The following TNFSF4 variants were observed in gnomAD, a reference collection of about 807,000 sequenced individuals.
TNFSF4 encodes the protein TNF superfamily member 4.
TNFSF4 carries 4 observed loss-of-function variants against 7.3 expected under a neutral mutation model. The ratio of observed to expected loss-of-function variants is 0.55; its 90% confidence interval spans 0.27 to 1.25. TNFSF4 has a LOEUF of 1.25. Ranked by LOEUF, TNFSF4 falls within the 50% of genes most tolerant of loss-of-function variation. The pLI, the probability that TNFSF4 is intolerant of heterozygous loss-of-function variation, is 0.12. For missense variants in TNFSF4, 181 were observed against 208.8 expected (o/e 0.87, Z 0.82); for synonymous variants, 76 against 83.7 (o/e 0.91, Z 0.50).
At chr1:173,445,588 G>C in the TNFSF4 span, among the ~76,000 whole-genome samples, 1 of 152,140 alleles carries the variant, frequency 6.6e-6, no homozygotes, top group African/African-American at 2.4e-5. Context: ...GGTCCAGAGA[G>C]TACTGGAGTA....
the TNFSF4 span, among the ~76,000 whole-genome samples, chr1:173,415,339 G>A: frequency 0.91 from 138,709 of 152,318 alleles, 63,204 homozygotes; most frequent in South Asian, 0.96. Context: ...GGTGACACCT[G>A]AAAGTCCCAT....
At chr1:173,283,291 T>TC in the TNFSF4 span, among the ~76,000 whole-genome samples, 12 of 149,638 alleles carry the variant, frequency 8.0e-5, no homozygotes, top group South Asian at 2.1e-4. Context: ...CCCCATCCTT[T>TC]CCCCCCCCAA....
chr1:173,191,426 T>C (rs1371950875), intron 1 of TNFSF4, among the ~76,000 whole-genome samples: 1 of 152,198 alleles, frequency 6.6e-6, no homozygotes, highest in African/African-American at 2.4e-5. Flanking sequence ...ATGGTCCTTC[T>C]TCTTATTTGT....
At chr1:173,287,220 A>C in the TNFSF4 span, among the ~76,000 whole-genome samples, 2 of 152,200 alleles carry the variant, frequency 1.3e-5, no homozygotes, top group African/African-American at 4.8e-5. Context: ...TTGTAGTCCC[A>C]GCTACTTGGG....
At chr1:173,205,195 T>C in intron 1 of TNFSF4, 1 of 1,251,728 alleles carries the variant, frequency 8.0e-7, no homozygotes, top group Non-Finnish European at 1.1e-6. Context: ...AGAAATCTAT[T>C]TTCAGAGTAG....
the TNFSF4 span, among the ~76,000 whole-genome samples, chr1:173,237,933 T>C: frequency 2.6e-5 from 4 of 151,976 alleles, no homozygotes; most frequent in Non-Finnish European, 5.9e-5. Flanking sequence ...GAACCAAAAA[T>C]GAGCCAGAAT....
chr1:173,341,029 G>A, the TNFSF4 span, among the ~76,000 whole-genome samples: 1 of 152,106 alleles, frequency 6.6e-6, no homozygotes, highest in Admixed American at 6.6e-5. Flanking sequence ...GGTTTTATAA[G>A]GGGCTTTTCC....
At chr1:173,243,937 A>G in the TNFSF4 span, among the ~76,000 whole-genome samples, 1 of 152,350 alleles carries the variant, frequency 6.6e-6, no homozygotes, top group African/African-American at 2.4e-5. Context: ...GGAAATGTGT[A>G]TCTTGATACA....
the TNFSF4 span, among the ~76,000 whole-genome samples, chr1:173,290,296 G>T: frequency 6.6e-6 from 1 of 152,144 alleles, no homozygotes; most frequent in East Asian, 1.9e-4. Context: ...GCATAAAGTG[G>T]CAAGTTGGAT....
At chr1:173,298,228 A>G in the TNFSF4 span, among the ~76,000 whole-genome samples, 2 of 151,900 alleles carry the variant, frequency 1.3e-5, no homozygotes, top group African/African-American at 4.8e-5. Context: ...GACAGATCCT[A>G]TATTATAGCC....
the TNFSF4 span, among the ~76,000 whole-genome samples, chr1:173,231,420 A>G: frequency 2.6e-5 from 4 of 152,228 alleles, no homozygotes; most frequent in Admixed American, 6.5e-5. Flanking sequence ...AACTCTCAAT[A>G]AATTAGGTAT....
At chr1:173,252,170 A>T in the TNFSF4 span, among the ~76,000 whole-genome samples, 1 of 152,112 alleles carries the variant, frequency 6.6e-6, no homozygotes, top group Non-Finnish European at 1.5e-5. Context: ...CAAAATACTG[A>T]TTCTTCCACT....
At chr1:173,175,111 A>T in the TNFSF4 span, 1 of 152,210 alleles carries the variant, frequency 6.6e-6, no homozygotes, top group South Asian at 2.1e-4. Flanking sequence ...ATAATCTGTG[A>T]CCCGTGGTTG....
chr1:173,394,997 TAGATAGATA>T, the TNFSF4 span, among the ~76,000 whole-genome samples: 1 of 122,628 alleles, frequency 8.2e-6, no homozygotes, highest in Non-Finnish European at 1.7e-5. Flanking sequence ...CATAGATAGA[TAGATAGATA>T]GATAGATAGA....
chr1:173,227,080 T>G, the TNFSF4 span, among the ~76,000 whole-genome samples: 4 of 151,548 alleles, frequency 2.6e-5, no homozygotes, highest in Admixed American at 2.6e-4. Context: ...TCAAGAGGTG[T>G]TCAGGAAATG....
At chr1:173,395,377 A>AATATATATATATATAT in the TNFSF4 span, among the ~76,000 whole-genome samples, 84 of 63,210 alleles carry the variant, frequency 1.3e-3, no homozygotes, top group East Asian at 9.0e-3. Context: ...CTGTGTATAT[A>AATATATATATATATAT]ATATATATAT....
At chr1:173,277,416 C>T in the TNFSF4 span, among the ~76,000 whole-genome samples, 2 of 152,006 alleles carry the variant, frequency 1.3e-5, no homozygotes, top group East Asian at 3.9e-4. Context: ...CCTATTGACC[C>T]CAATTTTGGG....
At chr1:173,284,224 T>G in the TNFSF4 span, among the ~76,000 whole-genome samples, 1 of 152,194 alleles carries the variant, frequency 6.6e-6, no homozygotes, top group Non-Finnish European at 1.5e-5. Flanking sequence ...TGACAGGCAC[T>G]GAGTTCAACT....
At chr1:173,258,434 C>A in the TNFSF4 span, among the ~76,000 whole-genome samples, 1 of 152,174 alleles carries the variant, frequency 6.6e-6, no homozygotes. Flanking sequence ...GATTGTGCTA[C>A]CCCAACCAGG....
Sources: gnomAD v4.1 joint callset for allele counts (sites outside exome capture counted in the v4.1 genomes callset) on GRCh38, gnomAD v4.1.1 for gene constraint, MANE v1.5 for transcripts, NCBI Gene and HGNC (gene_info 2026-07-23, HGNC 2026-07-21) for gene names.